Variants in TXNRD1 observed in about 807,000 individuals in gnomAD.
The protein encoded by TXNRD1 is thioredoxin reductase 1.
A neutral mutation model predicts 80.3 loss-of-function variants in TXNRD1; 57 were observed. The observed-to-expected ratio is 0.71, with a 90% CI of 0.57 to 0.89. The LOEUF (loss-of-function observed/expected upper bound fraction) is 0.89, where lower values mean the gene tolerates loss of function less well. Among genes scored for constraint, TXNRD1 ranks in the 40% least tolerant of loss-of-function variants. The pLI, the probability that TXNRD1 is intolerant of heterozygous loss-of-function variation, is 0.00. For synonymous variants in TXNRD1, 291 were observed against 285.2 expected, an observed-to-expected ratio of 1.02 and a Z score of -0.20; for missense variants, 730 against 803.0, an observed-to-expected ratio of 0.91 and a Z score of 1.10.
intron 1 of TXNRD1, among the ~76,000 whole-genome samples, chr12:104,235,537 C>G (rs1184582390): frequency 6.6e-6 from 1 of 152,136 alleles, no homozygotes; most frequent in Non-Finnish European, 1.5e-5. Flanking sequence ...ACCAGTCGGG[C>G]TTTTGGCTTC....
intron 3 of TXNRD1, chr12:104,287,071 T>C: frequency 7.0e-7 from 1 of 1,423,072 alleles, no homozygotes; most frequent in Non-Finnish European, 9.2e-7. Context: ...GGTCGAGTCC[T>C]GAAGGAGGGC....
chr12:104,281,094 G>A (rs2033866527), intron 3 of TXNRD1, among the ~76,000 whole-genome samples: 1 of 152,030 alleles, frequency 6.6e-6, no homozygotes, highest in South Asian at 2.1e-4. Context: ...CCCATACTAT[G>A]GATTTGTCCC....
intron 1 of TXNRD1, among the ~76,000 whole-genome samples, chr12:104,239,549 T>C (rs1249151072): frequency 6.6e-6 from 1 of 151,006 alleles, no homozygotes; most frequent in Non-Finnish European, 1.5e-5. Flanking sequence ...TAAGTCTATT[T>C]AGCTTCTCAT....
At chr12:104,329,229 G>T (rs1665455944) in intron 13 of TXNRD1, among the ~76,000 whole-genome samples, 1 of 151,742 alleles carries the variant, frequency 6.6e-6, no homozygotes, top group Admixed American at 6.6e-5. Context: ...ATGCATTGTT[G>T]CAGTTGTTGA....
chr12:104,223,830 C>T lies in TXNRD1; in HGVS notation c.91+7937C>T, dbSNP rs1331173069. ...GCATCTGGCAGCCAGCTTTGGGGAC[C>T]AGTGGCTGGTGCAGACTTGCTAAGG... is the stretch of plus-strand genomic sequence containing the variant. On this transcript the variant is annotated intron_variant, in intron 1 of 16. Coordinates refer to ENST00000525566, the MANE Select transcript of TXNRD1 (RefSeq NM_001093771.3). Among the ~76,000 whole-genome samples, 7 of 152,180 alleles carry T rather than the reference C, an allele frequency of 4.6e-5. No individual in the cohort carries two copies. The East Asian group carries it at 1.3e-3, about 29-fold the overall frequency.
At chr12:104,233,407 T>C (rs1163852376) in intron 1 of TXNRD1, among the ~76,000 whole-genome samples, 1 of 152,268 alleles carries the variant, frequency 6.6e-6, no homozygotes, top group East Asian at 1.9e-4. Flanking sequence ...TTTATTGCAC[T>C]GATGCAAACA....
intron 3 of TXNRD1, among the ~76,000 whole-genome samples, chr12:104,267,011 C>A (rs2033507448): frequency 6.7e-6 from 1 of 149,640 alleles, no homozygotes; most frequent in Admixed American, 6.7e-5. Context: ...AATAAAAATA[C>A]AACAAATTAG....
intron 1 of TXNRD1, among the ~76,000 whole-genome samples, chr12:104,242,250 T>C (rs1481579351): frequency 6.6e-6 from 1 of 151,770 alleles, no homozygotes. Context: ...ACTAATGATT[T>C]TTTAAAAGCT....
At chr12:104,345,687 GAAAA>G (rs1164620984) in intron 16 of TXNRD1, among the ~76,000 whole-genome samples, 1 of 152,176 alleles carries the variant, frequency 6.6e-6, no homozygotes, top group African/African-American at 2.4e-5. Context: ...AGTTCAAGAG[GAAAA>G]CATTTGAAAA....
chr12:104,347,918 C>T (rs1175477944), intron 16 of TXNRD1, among the ~76,000 whole-genome samples: 5 of 152,028 alleles, frequency 3.3e-5, no homozygotes, highest in Non-Finnish European at 7.4e-5. Flanking sequence ...AAGAGAAATG[C>T]AGGAAGAAAT....
Position 104,260,071 on chromosome 12 carries a change from C to T in TXNRD1, c.304+1992C>T, listed in dbSNP as rs560752726. ...AACATTGACCCGGTGCAGTGGCTCA[C>T]GCCTGTAATCCCAGCACTTTGGGAG... On this transcript the variant is annotated intron_variant, in intron 3 of 16. Coordinates refer to ENST00000525566, the MANE Select transcript of TXNRD1 (RefSeq NM_001093771.3). Among the ~76,000 whole-genome samples the T allele has an allele frequency of 5.9e-5, 9 of 152,292 alleles. No individual in the cohort carries two copies. In the East Asian group the frequency reaches 9.7e-4, roughly 16 times the overall value.
chr12:104,255,464 T>G (rs1394434564), intron 2 of TXNRD1, among the ~76,000 whole-genome samples: 1 of 152,134 alleles, frequency 6.6e-6, no homozygotes, highest in East Asian at 1.9e-4. Flanking sequence ...TGAAGAACTT[T>G]TCCTATAACA....
At chr12:104,217,330 T>TA (rs1450273814) in intron 1 of TXNRD1, among the ~76,000 whole-genome samples, 1 of 151,860 alleles carries the variant, frequency 6.6e-6, no homozygotes, top group African/African-American at 2.4e-5. Flanking sequence ...TTTTTTTTTT[T>TA]TTTTAGTTTC....
At chr12:104,240,451 T>C (rs937970900) in intron 1 of TXNRD1, among the ~76,000 whole-genome samples, 1 of 152,228 alleles carries the variant, frequency 6.6e-6, no homozygotes, top group Admixed American at 6.5e-5. Flanking sequence ...CTCCACTTAC[T>C]GGATATTCTT....
chr12:104,275,685 G>T (rs978479102), intron 3 of TXNRD1, among the ~76,000 whole-genome samples: 13 of 152,160 alleles, frequency 8.5e-5, no homozygotes, highest in Non-Finnish European at 1.9e-4. Flanking sequence ...ACCCAGCCTT[G>T]AGTTAAGTTT....
At chr12:104,227,462 T>G (rs2032498187) in intron 1 of TXNRD1, among the ~76,000 whole-genome samples, 1 of 152,146 alleles carries the variant, frequency 6.6e-6, no homozygotes, top group Non-Finnish European at 1.5e-5. Context: ...AAATGAAGTC[T>G]TCTTATGATG....
At chr12:104,253,625 G>A (rs779135148) in intron 2 of TXNRD1, among the ~76,000 whole-genome samples, 27 of 151,954 alleles carry the variant, frequency 1.8e-4, no homozygotes, top group Non-Finnish European at 2.8e-4. Context: ...CCCCTCCCCC[G>A]CACCGCCTGC....
chr12:104,267,429 C>T (rs1240831063), intron 3 of TXNRD1, among the ~76,000 whole-genome samples: 1 of 151,714 alleles, frequency 6.6e-6, no homozygotes, highest in African/African-American at 2.4e-5. Context: ...AGGTATGTGC[C>T]ACCATACCCA....
At chr12:104,288,741 G>A in intron 3 of TXNRD1, 190 bp from the exon 4 acceptor site, 1 of 1,457,088 alleles carries the variant, frequency 6.9e-7, no homozygotes, top group South Asian at 1.3e-5. Flanking sequence ...GCCGGGGTCA[G>A]ACTCCAAGCT....
Sources: gnomAD v4.1 joint callset for allele counts (sites outside exome capture counted in the v4.1 genomes callset) on GRCh38, gnomAD v4.1.1 for gene constraint, MANE v1.5 for transcripts, NCBI Gene and HGNC (gene_info 2026-07-23, HGNC 2026-07-21) for gene names.